OR1J2: variants seen among roughly 807,000 people sequenced by gnomAD.
OR1J2 encodes olfactory receptor 1J2.
For synonymous variants in OR1J2, 142 were observed against 99.7 expected (o/e 1.42, Z -2.52); for missense variants, 304 against 246.1 (o/e 1.24, Z -1.57).
chr9:122,470,558 C>G, the OR1J2 span, among the ~76,000 whole-genome samples: 1 of 152,208 alleles, frequency 6.6e-6, no homozygotes, highest in African/African-American at 2.4e-5. Flanking sequence ...TACTGGGGCA[C>G]TGTGGTTGAA....
chr9:122,527,340 T>C, the OR1J2 span: 348 of 1,214,348 alleles, frequency 2.9e-4, 2 homozygotes, highest in African/African-American at 4.9e-3. Context: ...GAATGCTAGA[T>C]TTCATCTACA....
the OR1J2 span, chr9:122,553,957 C>A: frequency 3.7e-6 from 6 of 1,613,670 alleles, no homozygotes; most frequent in Non-Finnish European, 5.1e-6. Context: ...TCTCATCTCA[C>A]GGTGGTTCTG....
At chr9:122,531,406 T>A in the OR1J2 span, among the ~76,000 whole-genome samples, 24 of 152,284 alleles carry the variant, frequency 1.6e-4, no homozygotes, top group Admixed American at 1.3e-3. Context: ...GTATGAGTAG[T>A]TGAGAACGGT....
the OR1J2 span, among the ~76,000 whole-genome samples, chr9:122,470,988 A>T: frequency 1.3e-5 from 2 of 152,192 alleles, no homozygotes; most frequent in African/African-American, 2.4e-5. Flanking sequence ...TTACAGGCTC[A>T]TAGGAGGAAG....
chr9:122,532,330 G>A, the OR1J2 span, among the ~76,000 whole-genome samples: 14 of 152,130 alleles, frequency 9.2e-5, no homozygotes, highest in East Asian at 3.9e-4. Context: ...AGTGGCTTGT[G>A]CTATAGCATA....
At chr9:122,534,538 G>C in the OR1J2 span, among the ~76,000 whole-genome samples, 1 of 152,092 alleles carries the variant, frequency 6.6e-6, no homozygotes, top group Non-Finnish European at 1.5e-5. Context: ...CTGGGCAGGT[G>C]GGGGAGGGCT....
At chr9:122,577,297 A>T in the OR1J2 span, among the ~76,000 whole-genome samples, 3 of 152,182 alleles carry the variant, frequency 2.0e-5, no homozygotes. Flanking sequence ...AAAGTCTCCA[A>T]ATTGGGTTGA....
chr9:122,525,228 A>G, the OR1J2 span, among the ~76,000 whole-genome samples: 4 of 152,280 alleles, frequency 2.6e-5, no homozygotes, highest in South Asian at 8.3e-4. Flanking sequence ...GCGTACTAAG[A>G]TGTGGCATCT....
At chr9:122,477,465 C>A in the OR1J2 span, 1 of 1,614,008 alleles carries the variant, frequency 6.2e-7, no homozygotes, top group South Asian at 1.1e-5. Context: ...AAAGAGCACA[C>A]GCACAAGCGA....
chr9:122,466,071 C>A, the OR1J2 span, among the ~76,000 whole-genome samples: 1 of 152,184 alleles, frequency 6.6e-6, no homozygotes, highest in African/African-American at 2.4e-5. Flanking sequence ...CCAGGTTTTT[C>A]TTACCTGTGC....
the OR1J2 span, among the ~76,000 whole-genome samples, chr9:122,480,464 T>C: frequency 6.6e-6 from 1 of 152,142 alleles, no homozygotes. Context: ...ACTTGTATTT[T>C]ATGTTCAAGG....
At chr9:122,548,263 G>T in the OR1J2 span, among the ~76,000 whole-genome samples, 2 of 152,178 alleles carry the variant, frequency 1.3e-5, no homozygotes, top group Non-Finnish European at 2.9e-5. Flanking sequence ...TTGGGCTGGG[G>T]TAGTTAATTG....
At chr9:122,532,179 T>C in the OR1J2 span, among the ~76,000 whole-genome samples, 1 of 150,674 alleles carries the variant, frequency 6.6e-6, no homozygotes, top group Non-Finnish European at 1.5e-5. Context: ...AGCAAATCCC[T>C]GAGCTTGATG....
At chr9:122,547,365 A>T in the OR1J2 span, among the ~76,000 whole-genome samples, 11 of 152,142 alleles carry the variant, frequency 7.2e-5, no homozygotes, top group African/African-American at 2.7e-4. Flanking sequence ...GTTTTATTTT[A>T]TTTGTTATAT....
the OR1J2 span, among the ~76,000 whole-genome samples, chr9:122,525,066 G>A: frequency 6.6e-6 from 1 of 152,176 alleles, no homozygotes; most frequent in East Asian, 1.9e-4. Flanking sequence ...ATGAGGGCAG[G>A]AGAACTCCAA....
upstream of OR1J2, among the ~76,000 whole-genome samples, chr9:122,510,251 A>G (rs1206195226): frequency 6.6e-6 from 1 of 152,212 alleles, no homozygotes; most frequent in Admixed American, 6.5e-5. Flanking sequence ...TTGCTGTACC[A>G]TGACTGATGG....
the OR1J2 span, among the ~76,000 whole-genome samples, chr9:122,496,782 C>A: frequency 2.0e-5 from 3 of 152,212 alleles, no homozygotes; most frequent in East Asian, 5.8e-4. Flanking sequence ...TCTTATTAGC[C>A]TCTCCAAAGG....
the OR1J2 span, among the ~76,000 whole-genome samples, chr9:122,499,095 A>C: frequency 6.6e-6 from 1 of 152,262 alleles, no homozygotes; most frequent in Non-Finnish European, 1.5e-5. Flanking sequence ...AGGAATGCAC[A>C]GTAGTCTGAG....
chr9:122,460,339 A>C, the OR1J2 span, among the ~76,000 whole-genome samples: 1 of 152,164 alleles, frequency 6.6e-6, no homozygotes, highest in Admixed American at 6.5e-5. Context: ...GTGGCTTGCC[A>C]ATGATCCCAG....
Sources: gnomAD v4.1 joint callset for allele counts (sites outside exome capture counted in the v4.1 genomes callset) on GRCh38, gnomAD v4.1.1 for gene constraint, MANE v1.5 for transcripts, NCBI Gene and HGNC (gene_info 2026-07-23, HGNC 2026-07-21) for gene names.